The following CCSER1 variants were observed in gnomAD, a reference collection of about 807,000 sequenced individuals.
The protein encoded by CCSER1 is serine-rich coiled-coil domain-containing protein 1.
A neutral mutation model predicts 82.0 loss-of-function variants in CCSER1; 41 were observed. The ratio of observed to expected loss-of-function variants is 0.50; its 90% CI spans 0.39 to 0.65. The LOEUF (loss-of-function observed/expected upper bound fraction) is 0.65, where lower values mean the gene tolerates loss of function less well. Among genes scored for constraint, CCSER1 ranks in the 30% least tolerant of loss-of-function variants. The pLI, the probability that CCSER1 is intolerant of heterozygous loss-of-function variation, is 0.00. For missense variants in CCSER1, 1,119 were observed against 1,064.2 expected, an observed-to-expected ratio of 1.05 and a Z score of -0.72; for synonymous variants, 414 against 383.9, an observed-to-expected ratio of 1.08 and a Z score of -0.92.
rs762588750 is a variant in CCSER1 at position 90,309,350 on chromosome 4, C to T, written c.1066C>T (p.Pro356Ser). 2 of 1,613,822 alleles carry T rather than the reference C, an allele frequency of 1.2e-6. No homozygotes were observed. Among genetic ancestry groups the T allele is most frequent in the Non-Finnish European group, 1.7e-6 (2 of 1,179,802 alleles). Residue 356 changes from proline (P) to serine (S), a missense_variant, in exon 2 of 11, where the codon CCT becomes TCT. Pro to Ser is a moderately conservative substitution (Grantham distance 74). Transcript: ENST00000509176. The stretch of plus-strand genomic sequence containing the variant: ...AGTGTTATTACAAATTGCTGAACTA[C>T]CTGCTACAAGTGTGAGCCACTCAGA... Reference protein sequence around the residue: ...KEVLLQIAELPATSVSHSESN... With the variant: ...KEVLLQIAELSATSVSHSESN...
chr4:90,192,916 CA>C (rs1735923398), intron 1 of CCSER1, among the ~76,000 whole-genome samples: 3 of 152,006 alleles, frequency 2.0e-5, no homozygotes, highest in Admixed American at 6.6e-5. Context: ...AAAACAGGAA[CA>C]AAAAACAATT....
chr4:90,144,301 G>A (rs1053533513), intron 1 of CCSER1, among the ~76,000 whole-genome samples: 22 of 152,030 alleles, frequency 1.4e-4, no homozygotes, highest in Admixed American at 1.4e-3. Context: ...GCTATTCATT[G>A]GATTAATTGT....
At chr4:91,183,465 G>T (rs1364051887) in intron 10 of CCSER1, among the ~76,000 whole-genome samples, 1 of 152,158 alleles carries the variant, frequency 6.6e-6, no homozygotes, top group African/African-American at 2.4e-5. Flanking sequence ...AACTGAAACA[G>T]CTTCGTTTTA....
At chr4:90,942,728 G>A (rs1731741582) in intron 9 of CCSER1, among the ~76,000 whole-genome samples, 1 of 151,700 alleles carries the variant, frequency 6.6e-6, no homozygotes, top group African/African-American at 2.4e-5. Flanking sequence ...TATTCTTTGG[G>A]AAGAAATAAA....
intron 8 of CCSER1, among the ~76,000 whole-genome samples, chr4:90,825,920 G>C (rs749108805): frequency 6.6e-6 from 1 of 151,852 alleles, no homozygotes; most frequent in Non-Finnish European, 1.5e-5. Context: ...TCAATCTCCT[G>C]ACCTCGTGAT....
At chr4:91,498,090 C>T (rs573920913) in intron 10 of CCSER1, among the ~76,000 whole-genome samples, 1 of 151,944 alleles carries the variant, frequency 6.6e-6, no homozygotes, top group Non-Finnish European at 1.5e-5. Context: ...AGAAATACAG[C>T]GGTTCAGATG....
At chr4:90,879,548 AAGAAGAGGAAGAAG>A (rs1720919504) in intron 8 of CCSER1, among the ~76,000 whole-genome samples, 1 of 4,662 alleles carries the variant, frequency 2.1e-4, no homozygotes, top group Admixed American at 3.8e-3. Context: ...AAGAAAGAAG[AAGAAGAGGAAGAAG>A]AAGAAGAGGA....
intron 3 of CCSER1, among the ~76,000 whole-genome samples, chr4:90,359,541 C>A (rs2153517127): frequency 6.6e-6 from 1 of 151,858 alleles, no homozygotes; most frequent in Middle Eastern, 3.4e-3. Context: ...AGTTCAAGAC[C>A]AGCCTGGCAA....
chr4:90,509,477 A>C (rs1771178391), intron 5 of CCSER1, among the ~76,000 whole-genome samples: 1 of 152,138 alleles, frequency 6.6e-6, no homozygotes, highest in South Asian at 2.1e-4. Flanking sequence ...TAAAACAAGG[A>C]ATTGAGTCAT....
chr4:90,295,937 G>GT (rs1731800200), intron 1 of CCSER1, among the ~76,000 whole-genome samples: 1 of 151,816 alleles, frequency 6.6e-6, no homozygotes, highest in South Asian at 2.1e-4. Flanking sequence ...TCCTGGACCT[G>GT]TGATGACATT....
intron 1 of CCSER1, among the ~76,000 whole-genome samples, chr4:90,182,307 C>T (rs1191061614): frequency 1.3e-5 from 2 of 151,820 alleles, no homozygotes; most frequent in African/African-American, 2.4e-5. Flanking sequence ...TTTATTTGAC[C>T]TAAAAAATAG....
At chr4:91,320,709 T>C (rs1314184751) in intron 10 of CCSER1, among the ~76,000 whole-genome samples, 1 of 152,078 alleles carries the variant, frequency 6.6e-6, no homozygotes, top group Non-Finnish European at 1.5e-5. Context: ...TGATGACTTA[T>C]AAAATGGGAG....
chr4:90,340,309 T>G (rs1477864718), intron 3 of CCSER1, among the ~76,000 whole-genome samples: 2 of 152,196 alleles, frequency 1.3e-5, no homozygotes, highest in Non-Finnish European at 2.9e-5. Context: ...TCTAAAGCGT[T>G]GATTTACATT....
At chr4:90,882,254 A>G (rs1721442339) in intron 8 of CCSER1, among the ~76,000 whole-genome samples, 1 of 152,058 alleles carries the variant, frequency 6.6e-6, no homozygotes. Context: ...AAAGTCATTG[A>G]CACAAATTTA....
intron 8 of CCSER1, among the ~76,000 whole-genome samples, chr4:90,816,780 C>G (rs1223700107): frequency 6.6e-6 from 1 of 152,040 alleles, no homozygotes; most frequent in East Asian, 1.9e-4. Flanking sequence ...AACTAAATTA[C>G]AAAACAGACT....
intron 5 of CCSER1, among the ~76,000 whole-genome samples, chr4:90,585,566 G>C (rs539571786): frequency 6.6e-6 from 1 of 152,076 alleles, no homozygotes; most frequent in East Asian, 1.9e-4. Flanking sequence ...TATATGAAGA[G>C]TTACCTTTAC....
intron 6 of CCSER1, among the ~76,000 whole-genome samples, chr4:90,634,298 C>T (rs1579609414): frequency 6.6e-6 from 1 of 151,456 alleles, no homozygotes; most frequent in Non-Finnish European, 1.5e-5. Flanking sequence ...GAAACATTTG[C>T]AAAAGACCCG....
intron 6 of CCSER1, among the ~76,000 whole-genome samples, chr4:90,633,982 G>A (rs766812640): frequency 2.0e-5 from 3 of 151,628 alleles, no homozygotes; most frequent in Non-Finnish European, 3.0e-5. Flanking sequence ...TTATTCTCTA[G>A]TATTAGTGGG....
chr4:90,531,331 C>T (rs938003080), intron 5 of CCSER1, among the ~76,000 whole-genome samples: 1 of 150,724 alleles, frequency 6.6e-6, no homozygotes, highest in Non-Finnish European at 1.5e-5. Context: ...TGAGTATTTA[C>T]TTCCCTGGAG....
Sources: gnomAD v4.1 joint callset for allele counts (sites outside exome capture counted in the v4.1 genomes callset) on GRCh38, gnomAD v4.1.1 for gene constraint, MANE v1.5 for transcripts, NCBI Gene and HGNC (gene_info 2026-07-23, HGNC 2026-07-21) for gene names.